Variants in TF observed in about 807,000 individuals in gnomAD.
TF encodes serotransferrin.
A neutral mutation model predicts 82.4 loss-of-function variants in TF; 55 were observed. The ratio of observed to expected loss-of-function variants is 0.67; its 90% CI spans 0.54 to 0.84. The LOEUF (loss-of-function observed/expected upper bound fraction) is 0.84, where lower values mean the gene tolerates loss of function less well. TF is among the 40% of genes least tolerant of loss of function. The probability of loss-of-function intolerance (pLI) is 0.00; values close to 1 mark genes in which losing one functional copy is unlikely to be tolerated. For synonymous variants in TF, 332 were observed against 332.6 expected, an observed-to-expected ratio of 1.00 and a Z score of 0.02; for missense variants, 737 against 868.4, an observed-to-expected ratio of 0.85 and a Z score of 1.90.
the TF span, among the ~76,000 whole-genome samples, chr3:133,731,795 G>A: frequency 2.3e-4 from 35 of 152,278 alleles, no homozygotes; most frequent in African/African-American, 7.2e-4. Flanking sequence ...TAACTTGTCC[G>A]GTATGATGCA....
At chr3:133,745,474 T>G (rs1189269360), upstream of TF, among the ~76,000 whole-genome samples, 1 of 152,214 alleles carries the variant, frequency 6.6e-6, no homozygotes, top group East Asian at 1.9e-4. Flanking sequence ...ATGATTGAAG[T>G]GTACACATTT....
At position 133,791,421 on chromosome 3, in the gene TF, C is replaced by T. The variant is rs1439579650; in HGVS notation, c.*12801C>T. 2 of 152,124 alleles carry T rather than the reference C, an allele frequency of 1.3e-5. No homozygotes were observed. The highest frequency in any genetic ancestry group is 4.8e-5 in the African/African-American group (2 of 41,414). 9.4% of individuals were successfully genotyped at this position (152,124 alleles called of 1,614,324 possible). ...TGCTTTGGGAGACAGAACCCAGAAA[C>T]CTGGCATACTGGCAAAAGGGTAAGA... On this transcript the variant is annotated 3_prime_UTR_variant, in exon 17 of 17. Coordinates refer to ENST00000402696, the MANE Select transcript of TF (RefSeq NM_001063.4).
chr3:133,694,819 T>C, the TF span, among the ~76,000 whole-genome samples: 2 of 152,178 alleles, frequency 1.3e-5, no homozygotes, highest in Admixed American at 6.5e-5. Context: ...CCAAAGTTAT[T>C]AGTCTCCATG....
At chr3:133,765,517 C>T (rs1482908193) in intron 11 of TF, among the ~76,000 whole-genome samples, 4 of 152,172 alleles carry the variant, frequency 2.6e-5, no homozygotes, top group Non-Finnish European at 5.9e-5. Context: ...TATGCTCAGG[C>T]CCCTGCAGGT....
At chr3:133,744,454 A>G (rs1933452425), upstream of TF, among the ~76,000 whole-genome samples, 1 of 152,172 alleles carries the variant, frequency 6.6e-6, no homozygotes, top group African/African-American at 2.4e-5. Flanking sequence ...GGTGCCTTCC[A>G]GTTAGCCTTG....
chr3:133,715,785 G>C, the TF span, among the ~76,000 whole-genome samples: 2 of 152,046 alleles, frequency 1.3e-5, no homozygotes, highest in African/African-American at 4.8e-5. Context: ...TCAGAGTATG[G>C]GCAGACTACT....
upstream of TF, among the ~76,000 whole-genome samples, chr3:133,742,475 AGAGT>A (rs1363619021): frequency 1.3e-5 from 2 of 152,070 alleles, no homozygotes; most frequent in Non-Finnish European, 2.9e-5. Flanking sequence ...AAAGAGAGAG[AGAGT>A]GAGAGCGAGT....
At chr3:133,734,874 T>C in the TF span, among the ~76,000 whole-genome samples, 2 of 151,902 alleles carry the variant, frequency 1.3e-5, no homozygotes, top group Non-Finnish European at 2.9e-5. Flanking sequence ...TCCAGAATGT[T>C]GGAAATTCCC....
the TF span, among the ~76,000 whole-genome samples, chr3:133,729,249 C>T: frequency 3.3e-5 from 5 of 152,242 alleles, no homozygotes; most frequent in Admixed American, 6.5e-5. Context: ...TGTCTGTGCC[C>T]TGCCCCCAGA....
At position 133,758,082 on chromosome 3, in the gene TF, T is replaced by C. The variant is rs779897441; in HGVS notation, c.1048+136T>C. 2.6e-4 allele frequency: 200 copies of C among 774,368 alleles called. 1 individual carries two copies. The highest frequency in any genetic ancestry group is 3.8e-4 in the Non-Finnish European group (183 of 481,632). 48.0% of individuals were successfully genotyped at this position (774,368 alleles called of 1,614,324 possible). On this transcript the variant is annotated intron_variant, in intron 8 of 16. Coordinates refer to ENST00000402696, the MANE Select transcript of TF (RefSeq NM_001063.4). ...TTTTCTGACCTGTCTGTGAGCCCAGTGTTAGACTGATGCTGAATGGCGTTA... is the reference window on the plus strand; with the variant it reads ...TTTTCTGACCTGTCTGTGAGCCCAGCGTTAGACTGATGCTGAATGGCGTTA...
the TF span, among the ~76,000 whole-genome samples, chr3:133,683,712 G>C: frequency 6.6e-6 from 1 of 152,180 alleles, no homozygotes; most frequent in Admixed American, 6.5e-5. Flanking sequence ...CAAATCCTTA[G>C]AGACCTACAA....
chr3:133,734,081 A>C, the TF span, among the ~76,000 whole-genome samples: 2 of 152,288 alleles, frequency 1.3e-5, no homozygotes, highest in African/African-American at 4.8e-5. Flanking sequence ...ATGGGGAGGA[A>C]GACAGCTAGA....
chr3:133,721,281 C>T, the TF span, among the ~76,000 whole-genome samples: 44 of 152,012 alleles, frequency 2.9e-4, no homozygotes, highest in East Asian at 3.9e-4. Flanking sequence ...GGTTTTAGTA[C>T]GATGTGCTTC....
the TF span, among the ~76,000 whole-genome samples, chr3:133,724,990 G>C: frequency 6.6e-6 from 1 of 152,030 alleles, no homozygotes. Context: ...ATTTCTGAGG[G>C]CTCTGTTCTG....
the TF span, among the ~76,000 whole-genome samples, chr3:133,691,321 C>T: frequency 1.3e-5 from 2 of 152,194 alleles, no homozygotes; most frequent in African/African-American, 4.8e-5. Flanking sequence ...TTCTACAATG[C>T]ATTCACTTAC....
At position 133,757,202 on chromosome 3, in the gene TF, T is replaced by C. The variant is rs555467755; in HGVS notation, c.870+193T>C. 3.9e-5 allele frequency among the ~76,000 whole-genome samples: 6 copies of C among 152,326 alleles called. No individual in the cohort carries two copies. In the South Asian group the frequency reaches 1.2e-3, roughly 32 times the overall value. ...CAGGGAGCCTGCTGTGGTGCTACCG[T>C]CTGCCGCCCTTGCCTTTCTGGCTGG... On this transcript the variant is annotated intron_variant, in intron 7 of 16. Coordinates refer to ENST00000402696, the MANE Select transcript of TF (RefSeq NM_001063.4).
At position 133,793,466 on chromosome 3, in the gene TF, C is replaced by G. The variant is rs977055724; in HGVS notation, c.*14846C>G. On this transcript the variant is annotated 3_prime_UTR_variant, in exon 17 of 17. Transcript: ENST00000402696. ...AAGAGAGGTAAACAGAATTATTTGACATGTTTAATTACATGGGAAGCATTG... is the reference window on the plus strand; with the variant it reads ...AAGAGAGGTAAACAGAATTATTTGAGATGTTTAATTACATGGGAAGCATTG... 3 of 151,964 alleles carry G rather than the reference C, an allele frequency of 2.0e-5. No individual in the cohort carries two copies. The highest frequency in any genetic ancestry group is 4.4e-5 in the Non-Finnish European group (3 of 67,980). 9.4% of individuals were successfully genotyped at this position (151,964 alleles called of 1,614,324 possible). A position where few individuals can be genotyped will look rare whatever the true frequency, so the allele number is the denominator to read the frequency against.
At chr3:133,757,496 C>T (rs1559871591) in intron 7 of TF, among the ~76,000 whole-genome samples, 1 of 152,240 alleles carries the variant, frequency 6.6e-6, no homozygotes, top group South Asian at 2.1e-4. Flanking sequence ...CCACACAGGG[C>T]AGCCTCTGGA....
At position 133,779,857 on chromosome 3, in the gene TF, T is replaced by A. The variant is rs576150773; in HGVS notation, c.*1237T>A. ...CTCTCTCTTGCTTCCCTAAACCAACTGTTGTTATAGTATATTCCATATCAG... is the reference window on the plus strand; with the variant it reads ...CTCTCTCTTGCTTCCCTAAACCAACAGTTGTTATAGTATATTCCATATCAG... On this transcript the variant is annotated 3_prime_UTR_variant, in exon 17 of 17. Transcript: ENST00000402696. The A allele has an allele frequency of 1.3e-5, 2 of 152,322 alleles. No individual in the cohort carries two copies. The highest frequency in any genetic ancestry group is 3.9e-4 in the East Asian group (2 of 5,190). 9.4% of individuals were successfully genotyped at this position (152,322 alleles called of 1,614,324 possible).
Sources: gnomAD v4.1 joint callset for allele counts (sites outside exome capture counted in the v4.1 genomes callset) on GRCh38, gnomAD v4.1.1 for gene constraint, MANE v1.5 for transcripts, NCBI Gene and HGNC (gene_info 2026-07-23, HGNC 2026-07-21) for gene names.